PCDH15: variants seen among roughly 807,000 people sequenced by gnomAD.
PCDH15 encodes the protein protocadherin-15.
Under a neutral mutation model 178.5 loss-of-function variants are expected in PCDH15, and 129 were observed. The ratio of observed to expected loss-of-function variants is 0.72; its 90% CI spans 0.63 to 0.84. The LOEUF (loss-of-function observed/expected upper bound fraction) is 0.84, where lower values mean the gene tolerates loss of function less well. Among genes scored for constraint, PCDH15 ranks in the 40% least tolerant of loss-of-function variants. The pLI is 0.00. For missense variants in PCDH15, 2,230 were observed against 2,099.9 expected (o/e 1.06, Z -1.21); for synonymous variants, 800 against 732.0 (o/e 1.09, Z -1.50).
At chr10:54,090,617 C>A (rs1300388592) in intron 15 of PCDH15, among the ~76,000 whole-genome samples, 1 of 147,774 alleles carries the variant, frequency 6.8e-6, no homozygotes, top group Non-Finnish European at 1.5e-5. Context: ...GCACTCCAGC[C>A]TGGGCAACAG....
chr10:55,380,491 A>G (rs976147863), intron 2 of PCDH15, among the ~76,000 whole-genome samples: 2 of 152,188 alleles, frequency 1.3e-5, no homozygotes, highest in South Asian at 4.1e-4. Context: ...TTTAGAAGAT[A>G]GTGCAAAAAG....
At chr10:55,550,487 A>T (rs1366586758) in intron 2 of PCDH15, among the ~76,000 whole-genome samples, 1 of 152,176 alleles carries the variant, frequency 6.6e-6, no homozygotes, top group African/African-American at 2.4e-5. Context: ...CAGTAAGGCA[A>T]GCATGCCCTT....
chr10:54,642,888 C>T (rs558850956), intron 2 of PCDH15, among the ~76,000 whole-genome samples: 1 of 152,060 alleles, frequency 6.6e-6, no homozygotes, highest in Non-Finnish European at 1.5e-5. Context: ...TGTTGTAACT[C>T]TCCAATGTAA....
At chr10:53,809,562 A>G in intron 37 of PCDH15, 2 of 1,603,492 alleles carry the variant, frequency 1.2e-6, no homozygotes, top group Non-Finnish European at 1.7e-6. Context: ...AATTGTGAAA[A>G]TGCAATTGAA....
At chr10:55,468,400 T>C (rs909500935) in intron 2 of PCDH15, 2 of 152,172 alleles carry the variant, frequency 1.3e-5, no homozygotes, top group Non-Finnish European at 2.9e-5. Flanking sequence ...AATTCCTGAG[T>C]AGCATTAAAT....
chr10:55,585,704 A>G (rs1254740982), intron 2 of PCDH15, among the ~76,000 whole-genome samples: 3 of 152,064 alleles, frequency 2.0e-5, no homozygotes, highest in Non-Finnish European at 4.4e-5. Flanking sequence ...ATATGTATAC[A>G]TACATACATC....
chr10:55,543,847 T>C (rs1841817457), intron 2 of PCDH15, among the ~76,000 whole-genome samples: 1 of 151,642 alleles, frequency 6.6e-6, no homozygotes, highest in Non-Finnish European at 1.5e-5. Context: ...TTACTTTCTC[T>C]TACTCTTGAT....
intron 2 of PCDH15, among the ~76,000 whole-genome samples, chr10:55,138,363 G>T (rs1838259965): frequency 6.6e-6 from 1 of 152,068 alleles, no homozygotes; most frequent in Non-Finnish European, 1.5e-5. Flanking sequence ...TGTGTGATGA[G>T]AAATAGTTGT....
chr10:54,987,803 G>T (rs572735366), intron 2 of PCDH15, among the ~76,000 whole-genome samples: 1 of 150,626 alleles, frequency 6.6e-6, no homozygotes, highest in African/African-American at 2.4e-5. Context: ...TTTTCCCCAC[G>T]CTGTAGGTTG....
intron 1 of PCDH15, among the ~76,000 whole-genome samples, chr10:55,173,597 T>A (rs561137052): frequency 6.6e-6 from 1 of 152,160 alleles, no homozygotes; most frequent in South Asian, 2.1e-4. Context: ...TCTCAATTTA[T>A]CCGTTTAAAA....
intron 2 of PCDH15, among the ~76,000 whole-genome samples, chr10:55,344,452 G>T (rs912043752): frequency 6.6e-6 from 1 of 151,998 alleles, no homozygotes; most frequent in African/African-American, 2.4e-5. Context: ...CAGTGACTAG[G>T]ACCAGAACAA....
At chr10:54,816,240 A>C (rs1952948657) in intron 3 of PCDH15, among the ~76,000 whole-genome samples, 1 of 152,118 alleles carries the variant, frequency 6.6e-6, no homozygotes, top group Non-Finnish European at 1.5e-5. Context: ...GTATTAAATA[A>C]ATGGATGCAA....
At chr10:54,363,047 T>C (rs1351149577) in intron 5 of PCDH15, among the ~76,000 whole-genome samples, 1 of 152,076 alleles carries the variant, frequency 6.6e-6, no homozygotes, top group Non-Finnish European at 1.5e-5. Context: ...AGCGTAGAAA[T>C]ATATATGTTA....
intron 3 of PCDH15, among the ~76,000 whole-genome samples, chr10:54,514,244 C>T (rs1462177982): frequency 2.0e-5 from 3 of 151,794 alleles, no homozygotes; most frequent in African/African-American, 4.8e-5. Context: ...ATTGAAAAAC[C>T]CAGAAATAAA....
chr10:55,408,847 C>G (rs1268795517), intron 2 of PCDH15, among the ~76,000 whole-genome samples: 1 of 152,148 alleles, frequency 6.6e-6, no homozygotes, highest in African/African-American at 2.4e-5. Flanking sequence ...CATGGATGAT[C>G]TGCACTATGA....
At chr10:54,286,411 T>C (rs2132857042) in intron 8 of PCDH15, among the ~76,000 whole-genome samples, 1 of 152,314 alleles carries the variant, frequency 6.6e-6, no homozygotes, top group East Asian at 1.9e-4. Flanking sequence ...TGATTTTTTT[T>C]TTCCATTTTG....
chr10:54,946,976 A>G (rs551187662), intron 2 of PCDH15, among the ~76,000 whole-genome samples: 97 of 152,072 alleles, frequency 6.4e-4, no homozygotes, highest in African/African-American at 2.2e-3. Flanking sequence ...GTTACCACCA[A>G]GCTATCTTCT....
chr10:55,164,381 C>T lies in PCDH15; in HGVS notation c.-80+2195G>A, dbSNP rs148965092. Among the ~76,000 whole-genome samples, 66 of 150,528 alleles carry T rather than the reference C, an allele frequency of 4.4e-4. 1 individual carries two copies. In the East Asian group the frequency reaches 0.013, roughly 29 times the overall value. ...ACAACTGAGAACATCATTAATAATA[C>T]CTATCAATGTAAAATGTTGTTTTGA... On this transcript the variant is annotated intron_variant, in intron 2 of 5. Transcript: ENST00000458638.
At chr10:54,725,056 G>A (rs560582692) in intron 1 of PCDH15, among the ~76,000 whole-genome samples, 18 of 151,310 alleles carry the variant, frequency 1.2e-4, no homozygotes, top group East Asian at 5.9e-4. Context: ...CCATTAGTCC[G>A]AAACACAGAA....
Sources: allele counts gnomAD v4.1 joint callset (sites outside exome capture counted in the v4.1 genomes callset), GRCh38; gene constraint gnomAD v4.1.1; transcripts MANE v1.5; gene names NCBI Gene and HGNC (gene_info 2026-07-23, HGNC 2026-07-21).